Variants in SECISBP2L observed in about 807,000 individuals in gnomAD.
SECISBP2L encodes the protein SECIS binding protein 2 like, also known as selenocysteine insertion sequence-binding protein 2-like.
In SECISBP2L, 43 loss-of-function variants were observed where a neutral mutation model predicts 114.7. That is an observed-to-expected ratio of 0.38 (90% CI 0.29 to 0.48). SECISBP2L has a LOEUF of 0.48. SECISBP2L is among the 20% of genes least tolerant of loss of function. SECISBP2L has a pLI of 0.98. For synonymous variants in SECISBP2L, 451 were observed against 439.7 expected, an observed-to-expected ratio of 1.03 and a Z score of -0.32; for missense variants, 1,136 against 1,301.1, an observed-to-expected ratio of 0.87 and a Z score of 1.95.
chr15:49,013,590 C>T (rs780810677), intron 11 of SECISBP2L, among the ~76,000 whole-genome samples: 12 of 152,208 alleles, frequency 7.9e-5, no homozygotes, highest in South Asian at 2.1e-4. Context: ...CCACTACACC[C>T]GGCCTCAGTA....
intron 4 of SECISBP2L, 27 bp downstream of exon 4, chr15:49,032,938 A>G: frequency 1.2e-6 from 2 of 1,606,730 alleles, no homozygotes; most frequent in Non-Finnish European, 1.7e-6. Context: ...AAAATCAGTG[A>G]CGCACATGTA....
In SECISBP2L at chr15:49,038,442, A is replaced by G. The variant is rs192533119; in HGVS notation, c.25-673T>C. On this transcript the variant is annotated intron_variant, in intron 1 of 17. Coordinates refer to ENST00000559471, the MANE Select transcript of SECISBP2L (RefSeq NM_001193489.2). Reference sequence around the variant, plus strand: ...AGATTTAAAAGACATAAAAAAAAAAAAAACCCTGTAGTATTTAGGGATGCA... The same window carrying G: ...AGATTTAAAAGACATAAAAAAAAAAGAAACCCTGTAGTATTTAGGGATGCA... Among the ~76,000 whole-genome samples the G allele has an allele frequency of 4.7e-3, 720 of 152,032 alleles. 1 individual carries two copies. Among genetic ancestry groups the G allele is most frequent in the African/African-American group, 0.016 (677 of 41,524 alleles).
At position 49,019,407 on chromosome 15, in the gene SECISBP2L, G is replaced by A; in HGVS notation, c.1170+11C>T. On this transcript the variant is annotated intron_variant, in intron 8 of 17. Coordinates refer to ENST00000559471, the MANE Select transcript of SECISBP2L (RefSeq NM_001193489.2). ...CTATAACAGCTTACAAATAGAGTTT[G>A]AAAAAAATACCTCAAAATATAAAGA... The A allele has an allele frequency of 1.4e-6, 2 of 1,417,404 alleles. No homozygotes were observed. The highest frequency in any genetic ancestry group is 2.8e-5 in the East Asian group (1 of 35,262). The allele number at this position is 1,417,404 out of a possible 1,614,324, so 87.8% of individuals were successfully genotyped here.
chr15:48,993,070 T>A, intron 17 of SECISBP2L, 144 bp from the exon 18 acceptor site: 1 of 688,376 alleles, frequency 1.5e-6, no homozygotes, highest in Non-Finnish European at 2.4e-6. Context: ...CAAATTTAGT[T>A]TATTTAGTAC....
At position 48,992,645 on chromosome 15, in the gene SECISBP2L, G is replaced by C; in HGVS notation, c.2905C>G (p.Arg969Gly). The part of the protein sequence containing the change: ...TETGSLDGSC[R>G]DLLNSSITST... ...GTGATGGAGGAATTCAAAAGATCTC[G>C]GCAACTGCCATCCAAAGAGCCAGTC... is the stretch of plus-strand genomic sequence containing the variant. Residue 969 changes from arginine (R) to glycine (G), a missense_variant, in exon 18 of 18, where the codon CGA becomes GGA. Coordinates refer to ENST00000559471, the MANE Select transcript of SECISBP2L (RefSeq NM_001193489.2). 1 of 1,614,128 alleles carries C rather than the reference G, an allele frequency of 6.2e-7. No individual in the cohort carries two copies. Among genetic ancestry groups the C allele is most frequent in the Non-Finnish European group, 8.5e-7 (1 of 1,180,040 alleles).
In SECISBP2L at chr15:48,999,860, C is replaced by T. The variant is rs1321390992; in HGVS notation, c.2376G>A (p.Val792=). The stretch of plus-strand genomic sequence containing the variant: ...CAGCACCAAAGTAGTTGAAGATTCC[C>T]ACTACGCTAACAGGAACCAGCTTGT... The part of the protein sequence containing the change: ...CVNKLVPVSV[V]GIFNYFGAES... The change falls in exon 16 of 18, where the codon GTG becomes GTA. Residue 792 remains valine (V), a synonymous_variant. Transcript: ENST00000559471. 1.2e-6 allele frequency: 2 copies of T among 1,613,804 alleles called. No homozygotes were observed. Among genetic ancestry groups the T allele is most frequent in the Non-Finnish European group, 1.7e-6 (2 of 1,179,824 alleles).
chr15:49,011,629 A>G lies in SECISBP2L; in HGVS notation c.1864+102T>C. The G allele has an allele frequency of 7.6e-6, 10 of 1,314,946 alleles. No homozygotes were observed. In the South Asian group the frequency reaches 1.4e-4, roughly 19 times the overall value. 81.5% of individuals were successfully genotyped at this position (1,314,946 alleles called of 1,614,324 possible). The stretch of plus-strand genomic sequence containing the variant: ...ATAAAGAGATTTATGTAAAATATGG[A>G]GCACGTCTTCCAATCAGGAGCATTA... On this transcript the variant is annotated intron_variant, in intron 13 of 17. Coordinates refer to ENST00000559471, the MANE Select transcript of SECISBP2L (RefSeq NM_001193489.2).
In SECISBP2L at chr15:48,990,574, TG is replaced by T. The variant is rs1482252922; in HGVS notation, c.*1669del. 5 of 152,728 alleles carry T rather than the reference TG, an allele frequency of 3.3e-5. No homozygotes were observed. The highest frequency in any genetic ancestry group is 2.6e-4 in the Admixed American group (4 of 15,288). The allele number at this position is 152,728 out of a possible 1,614,324, so 9.5% of individuals were successfully genotyped here. A position where few individuals can be genotyped will look rare whatever the true frequency, so the allele number is the denominator to read the frequency against. ...TGACTAACATTTTCTACACAGCTCC[TG>T]AACTTTCACAATTCACAAATACTAA... is the stretch of plus-strand genomic sequence containing the variant. On this transcript the variant is annotated 3_prime_UTR_variant, in exon 18 of 18. Coordinates refer to ENST00000559471, the MANE Select transcript of SECISBP2L (RefSeq NM_001193489.2).
Position 49,009,298 on chromosome 15 carries a change from G to T in SECISBP2L, c.1945C>A (p.Gln649Lys). The T allele has an allele frequency of 6.2e-7, 1 of 1,614,064 alleles. No homozygotes were observed. Among genetic ancestry groups the T allele is most frequent in the Non-Finnish European group, 8.5e-7 (1 of 1,179,928 alleles). ...NSPYCMTPVS[Q>K]GSPASSGIGS... ...ATTCCAGAACTAGCAGGAGAGCCTTGTGACACAGGTGTCATACAGTATGGA... is the reference window on the plus strand; with the variant it reads ...ATTCCAGAACTAGCAGGAGAGCCTTTTGACACAGGTGTCATACAGTATGGA... The change falls in exon 14 of 18, where the codon CAA becomes AAA. Residue 649 changes from glutamine to lysine, a missense_variant. By Grantham distance (53) the Gln-to-Lys change is moderately conservative. Coordinates refer to ENST00000559471, the MANE Select transcript of SECISBP2L (RefSeq NM_001193489.2).
At chr15:49,021,373 G>C (rs1222885348) in intron 7 of SECISBP2L, among the ~76,000 whole-genome samples, 2 of 151,870 alleles carry the variant, frequency 1.3e-5, no homozygotes, top group African/African-American at 4.8e-5. Context: ...CTGTCATATG[G>C]GCAAGAAAAA....
At chr15:49,016,160 G>T (rs552130903) in intron 11 of SECISBP2L, among the ~76,000 whole-genome samples, 5 of 152,310 alleles carry the variant, frequency 3.3e-5, no homozygotes, top group Non-Finnish European at 1.5e-5. Flanking sequence ...ATATAATCCA[G>T]CTTACATTTT....
At chr15:49,006,598 G>A (rs888771235) in intron 14 of SECISBP2L, among the ~76,000 whole-genome samples, 1 of 151,914 alleles carries the variant, frequency 6.6e-6, no homozygotes, top group Non-Finnish European at 1.5e-5. Flanking sequence ...AGCTCCATCA[G>A]GTAATTTATT....
chr15:49,009,151 C>T (rs1471022311), intron 14 of SECISBP2L, 65 bp downstream of exon 14: 42 of 1,523,166 alleles, frequency 2.8e-5, no homozygotes, highest in Admixed American at 7.2e-5. Context: ...AATGACAATA[C>T]TAAATTCAGA....
intron 8 of SECISBP2L, 92 bp from the exon 9 acceptor site, chr15:49,017,720 T>C: frequency 1.2e-6 from 1 of 812,002 alleles, no homozygotes; most frequent in Non-Finnish European, 1.9e-6. Flanking sequence ...GAGGAAGTTA[T>C]TTCTTGTATT....
chr15:49,026,012 G>T (rs1902733351), intron 7 of SECISBP2L, among the ~76,000 whole-genome samples: 1 of 151,998 alleles, frequency 6.6e-6, no homozygotes, highest in Non-Finnish European at 1.5e-5. Flanking sequence ...GAAGAAATGT[G>T]GTATATATAA....
chr15:49,001,533 T>C (rs9920913), intron 14 of SECISBP2L, among the ~76,000 whole-genome samples: 75,446 of 151,056 alleles, frequency 0.5, 21,115 homozygotes, highest in Non-Finnish European at 0.63. Context: ...GTTACATAGG[T>C]ATACACGTGT....
chr15:49,014,514 C>T (rs997007547), intron 11 of SECISBP2L, among the ~76,000 whole-genome samples: 4 of 152,080 alleles, frequency 2.6e-5, no homozygotes, highest in African/African-American at 7.2e-5. Context: ...CAACAGGCAG[C>T]ATCTGCTCTT....
At position 49,046,317 on chromosome 15, in the gene SECISBP2L, C is replaced by A; in HGVS notation, c.-18G>T. On this transcript the variant is annotated 5_prime_UTR_variant, in exon 1 of 18. Coordinates refer to ENST00000559471, the MANE Select transcript of SECISBP2L (RefSeq NM_001193489.2). ...CGGTCCATGGTGCCTGCAGCCGCAA[C>A]GGGCCCGCGCTAGTCGGTGTAAACA... 2 of 1,540,444 alleles carry A rather than the reference C, an allele frequency of 1.3e-6. No homozygotes were observed. Among genetic ancestry groups the A allele is most frequent in the African/African-American group, 1.4e-5 (1 of 71,420 alleles).
chr15:49,032,927 A>G, intron 4 of SECISBP2L, 38 bp downstream of exon 4: 2 of 1,602,220 alleles, frequency 1.2e-6, no homozygotes, highest in Non-Finnish European at 1.7e-6. Flanking sequence ...GAAAACAGAT[A>G]AAAATCAGTG....
Sources: gnomAD v4.1 joint callset for allele counts (sites outside exome capture counted in the v4.1 genomes callset) on GRCh38, gnomAD v4.1.1 for gene constraint, MANE v1.5 for transcripts, NCBI Gene and HGNC (gene_info 2026-07-23, HGNC 2026-07-21) for gene names.